The following RMND1 variants were observed in gnomAD, a reference collection of about 807,000 sequenced individuals.
The protein encoded by RMND1 is required for meiotic nuclear division 1 homolog.
Under a neutral mutation model 54.0 loss-of-function variants are expected in RMND1, and 41 were observed. That is an observed-to-expected ratio of 0.76 (90% CI 0.59 to 0.98). The LOEUF (loss-of-function observed/expected upper bound fraction) is 0.98, where lower values mean the gene tolerates loss of function less well. RMND1 is among the 50% of genes least tolerant of loss of function. The pLI, the probability that RMND1 is intolerant of heterozygous loss-of-function variation, is 0.00. For synonymous variants in RMND1, 183 were observed against 181.7 expected, an observed-to-expected ratio of 1.01 and a Z score of -0.06; for missense variants, 457 against 532.0, an observed-to-expected ratio of 0.86 and a Z score of 1.39.
intron 3 of RMND1, among the ~76,000 whole-genome samples, chr6:151,434,409 A>ATTTT (rs11398229): frequency 0.013 from 1,856 of 146,610 alleles, 35 homozygotes; most frequent in African/African-American, 0.044. Flanking sequence ...CAAAACTGTG[A>ATTTT]TTTTTTTTTT....
rs374088665 is a variant in RMND1, at chr6:151,405,135, G to A, written c.*100C>T. ...GCCACCCTTCTTGGCCTCCGAAAGTGCTGGGATTACAGGCATGAGGCACCG... is the reference window on the plus strand; with the variant it reads ...GCCACCCTTCTTGGCCTCCGAAAGTACTGGGATTACAGGCATGAGGCACCG... On this transcript the variant is annotated 3_prime_UTR_variant, in exon 12 of 12. Transcript: ENST00000444024. The A allele has an allele frequency of 3.7e-5, 38 of 1,033,870 alleles. 1 individual carries two copies. The African/African-American group carries it at 5.8e-4, about 16-fold the overall frequency. 64.0% of individuals were successfully genotyped at this position (1,033,870 alleles called of 1,614,324 possible). A position where few individuals can be genotyped will look rare whatever the true frequency, so the allele number is the denominator to read the frequency against.
intron 10 of RMND1, among the ~76,000 whole-genome samples, chr6:151,412,340 T>C (rs1245931441): frequency 6.6e-6 from 1 of 151,310 alleles, no homozygotes; most frequent in Non-Finnish European, 1.5e-5. Flanking sequence ...TTTAAAGAGA[T>C]GGGCGGGGGT....
chr6:151,405,487 A>G (rs1373516508), intron 11 of RMND1, among the ~76,000 whole-genome samples: 1 of 152,240 alleles, frequency 6.6e-6, no homozygotes, highest in Non-Finnish European at 1.5e-5. Context: ...TGCTGTCTTT[A>G]AAAGCAGAAC....
At chr6:151,406,364 T>C (rs558995122) in intron 10 of RMND1, among the ~76,000 whole-genome samples, 70 of 152,024 alleles carry the variant, frequency 4.6e-4, no homozygotes, top group Admixed American at 2.4e-3. Context: ...TTTTTTTTGT[T>C]GTTGTTGTTG....
At position 151,409,307 on chromosome 6, in the gene RMND1, T is replaced by G. The variant is rs139172499; in HGVS notation, c.1201-3471A>C. On this transcript the variant is annotated intron_variant, in intron 10 of 11. Coordinates refer to ENST00000444024, the MANE Select transcript of RMND1 (RefSeq NM_017909.4). The stretch of plus-strand genomic sequence containing the variant: ...CTTTCAATAAATGTTTGCTAATGAA[T>G]CCATGATACTTAGAGGGAACTAAAA... Among the ~76,000 whole-genome samples the G allele has an allele frequency of 2.6e-3, 397 of 152,304 alleles. 1 individual carries two copies. Among genetic ancestry groups the G allele is most frequent in the African/African-American group, 9.0e-3 (376 of 41,576 alleles).
intron 9 of RMND1, among the ~76,000 whole-genome samples, chr6:151,419,673 A>T (rs971959319): frequency 1.5e-4 from 9 of 59,052 alleles, no homozygotes; most frequent in East Asian, 1.1e-3. Flanking sequence ...ACCCTGTTTA[A>T]AAAAAAAAAA....
intron 1 of RMND1, among the ~76,000 whole-genome samples, chr6:151,449,704 A>G (rs1350005168): frequency 6.6e-6 from 1 of 152,082 alleles, no homozygotes; most frequent in African/African-American, 2.4e-5. Flanking sequence ...GCCGAGCCGA[A>G]GCTGGACTGT....
At chr6:151,438,220 G>A (rs956267797) in intron 2 of RMND1, among the ~76,000 whole-genome samples, 2 of 152,228 alleles carry the variant, frequency 1.3e-5, no homozygotes, top group African/African-American at 2.4e-5. Flanking sequence ...GATTCGGCCA[G>A]CTGAAAGAAA....
chr6:151,427,447 T>G (rs1184458290), intron 6 of RMND1, 35 bp downstream of exon 6: 1 of 1,234,284 alleles, frequency 8.1e-7, no homozygotes, highest in Non-Finnish European at 1.2e-6. Flanking sequence ...TTATTCCAAG[T>G]GCCCCTTTCA....
At chr6:151,415,985 T>G (rs1376360811) in intron 10 of RMND1, among the ~76,000 whole-genome samples, 3 of 147,378 alleles carry the variant, frequency 2.0e-5, no homozygotes, top group African/African-American at 7.7e-5. Context: ...GTCTTTTTGT[T>G]TTGTTTTTTT....
chr6:151,447,652 C>G (rs553537097), intron 1 of RMND1, among the ~76,000 whole-genome samples: 2 of 152,160 alleles, frequency 1.3e-5, no homozygotes, highest in African/African-American at 4.8e-5. Flanking sequence ...TTCAAAAGCT[C>G]GCATTCTGTG....
rs924502758 is a variant in RMND1, at chr6:151,450,063, G to GC, written c.-15+1952dup. 9.6e-4 allele frequency among the ~76,000 whole-genome samples: 146 copies of GC among 152,234 alleles called. 1 individual carries two copies. Among genetic ancestry groups the GC allele is most frequent in the African/African-American group, 3.2e-3 (131 of 41,564 alleles). On this transcript the variant is annotated intron_variant, in intron 1 of 11. Coordinates refer to ENST00000444024, the MANE Select transcript of RMND1 (RefSeq NM_017909.4). ...GTGCCGAGATTGCAGCCTCTGCCTG[G>GC]CCCCCCATCGTCTGGGACGTGAGGA...
At chr6:151,447,306 G>A (rs979258267) in intron 1 of RMND1, among the ~76,000 whole-genome samples, 3 of 151,020 alleles carry the variant, frequency 2.0e-5, no homozygotes, top group African/African-American at 4.9e-5. Context: ...AGAGTCACAC[G>A]GTCAAATGCA....
intron 10 of RMND1, among the ~76,000 whole-genome samples, chr6:151,407,588 C>G (rs1779670180): frequency 6.6e-6 from 1 of 152,106 alleles, no homozygotes; most frequent in Non-Finnish European, 1.5e-5. Flanking sequence ...ATCCAAGCAT[C>G]TGACAACACA....
intron 10 of RMND1, among the ~76,000 whole-genome samples, chr6:151,407,748 A>T (rs1448671209): frequency 2.0e-5 from 3 of 152,160 alleles, no homozygotes; most frequent in African/African-American, 7.2e-5. Context: ...TCTACTAAAA[A>T]TACAAAAAAA....
intron 4 of RMND1, among the ~76,000 whole-genome samples, chr6:151,431,287 G>A (rs2114950991): frequency 6.6e-6 from 1 of 152,106 alleles, no homozygotes; most frequent in South Asian, 2.1e-4. Flanking sequence ...GCAAGCAGGG[G>A]ACAATCCAGA....
At chr6:151,405,415 A>G (rs1779578500) in intron 11 of RMND1, 148 bp from the exon 12 acceptor site, 1 of 709,642 alleles carries the variant, frequency 1.4e-6, no homozygotes, top group African/African-American at 1.8e-5. Context: ...AATTGGAGGT[A>G]CGGGTGCTTG....
chr6:151,424,087 A>G (rs1780226126), intron 6 of RMND1, among the ~76,000 whole-genome samples: 1 of 151,692 alleles, frequency 6.6e-6, no homozygotes. Context: ...CTGACCTCAA[A>G]TGATCCACCC....
Position 151,404,987 on chromosome 6 carries a change from G to T in RMND1, c.*248C>A. On this transcript the variant is annotated 3_prime_UTR_variant, in exon 12 of 12. Coordinates refer to ENST00000444024, the MANE Select transcript of RMND1 (RefSeq NM_017909.4). The stretch of plus-strand genomic sequence containing the variant: ...AAGTTCAAGAGATTCTCCTGCCTCA[G>T]CCTCCTGAGTAGCTGAGATGACGGG... 2.6e-6 allele frequency: 1 copy of T among 391,214 alleles called. No homozygotes were observed. 24.2% of individuals were successfully genotyped at this position (391,214 alleles called of 1,614,324 possible). A position where few individuals can be genotyped will look rare whatever the true frequency, so the allele number is the denominator to read the frequency against.
Sources: gnomAD v4.1 joint callset for allele counts (sites outside exome capture counted in the v4.1 genomes callset) on GRCh38, gnomAD v4.1.1 for gene constraint, MANE v1.5 for transcripts, NCBI Gene and HGNC (gene_info 2026-07-23, HGNC 2026-07-21) for gene names.